The following RCAN3 variants were observed in gnomAD, a reference collection of about 807,000 sequenced individuals.
The protein encoded by RCAN3 is regulator of calcineurin 3, also known as calcipressin-3.
A neutral mutation model predicts 21.9 loss-of-function variants in RCAN3; 19 were observed. That is an observed-to-expected ratio of 0.87 (90% CI 0.61 to 1.27). The LOEUF (loss-of-function observed/expected upper bound fraction) is 1.27. Among genes scored for constraint, RCAN3 ranks in the 50% most tolerant of loss-of-function variants. The probability of loss-of-function intolerance (pLI) is 0.00; values close to 1 mark genes in which losing one functional copy is unlikely to be tolerated. For missense variants in RCAN3, 240 were observed against 300.1 expected, an observed-to-expected ratio of 0.80 and a Z score of 1.48; for synonymous variants, 114 against 112.3, an observed-to-expected ratio of 1.01 and a Z score of -0.09.
At position 24,531,184 on chromosome 1, in the gene RCAN3, C is replaced by T. The variant is rs1208262229; in HGVS notation, c.196-34C>T. 2.2e-6 allele frequency: 3 copies of T among 1,390,472 alleles called. No homozygotes were observed. The African/African-American group carries it at 4.5e-5, about 21-fold the overall frequency. 86.1% of individuals were successfully genotyped at this position (1,390,472 alleles called of 1,614,324 possible). On this transcript the variant is annotated intron_variant, in intron 2 of 4. Coordinates refer to ENST00000374395, the MANE Select transcript of RCAN3 (RefSeq NM_013441.4). ...AGGTTTTTCTTTTTTTTTTTTCCTC[C>T]CCTTCCCTTTGCCTTGCTGCTCCTT...
rs986070918 is a variant in RCAN3, at chr1:24,525,974, G to A, written c.196-5244G>A. ...AAAGCACCTCACAGCTAGAATTCAC[G>A]TATTTCATAACCATATTTATGCTAC... On this transcript the variant is annotated intron_variant, in intron 2 of 4. Transcript: ENST00000374395. The surrounding 1 kb of genome is among the most constrained non-coding windows in gnomAD (Gnocchi z 4.1). Among the ~76,000 whole-genome samples, 4 of 152,194 alleles carry A rather than the reference G, an allele frequency of 2.6e-5. No individual in the cohort carries two copies. The highest frequency in any genetic ancestry group is 2.1e-4 in the South Asian group (1 of 4,832).
At chr1:24,520,134 A>G (rs1401684093) in intron 2 of RCAN3, among the ~76,000 whole-genome samples, 4 of 152,210 alleles carry the variant, frequency 2.6e-5, no homozygotes, top group African/African-American at 4.8e-5. Context: ...TTTGGGAATT[A>G]AAAAAGAGGA....
Position 24,535,232 on chromosome 1 carries a change from G to T in RCAN3, c.681G>T (p.Pro227=), listed in dbSNP as rs138471720. ...CCCAGACGAGGCGCCCCGACCCTCC[G>T]ACCGCAGCGTTGAATGAGCCCCAGA... ...KIAQTRRPDP[P]TAALNEPQTF... Residue 227 remains proline, a synonymous_variant, in exon 5 of 5, where the codon CCG becomes CCT. Transcript: ENST00000374395. 1.1e-4 allele frequency: 173 copies of T among 1,582,578 alleles called. No homozygotes were observed. The highest frequency in any genetic ancestry group is 1.4e-4 in the Non-Finnish European group (169 of 1,169,602).
Position 24,540,763 on chromosome 1 carries a change from T to C in RCAN3, c.*5486T>C, listed in dbSNP as rs920857837. The C allele has an allele frequency of 2.0e-5, 3 of 152,252 alleles. No homozygotes were observed. Among genetic ancestry groups the C allele is most frequent in the Non-Finnish European group, 4.4e-5 (3 of 68,044 alleles). The allele number at this position is 152,252 out of a possible 1,614,324, so 9.4% of individuals were successfully genotyped here. A position where few individuals can be genotyped will look rare whatever the true frequency, so the allele number is the denominator to read the frequency against. On this transcript the variant is annotated 3_prime_UTR_variant, in exon 5 of 5. Coordinates refer to ENST00000374395, the MANE Select transcript of RCAN3 (RefSeq NM_013441.4). Reference sequence around the variant, plus strand: ...TTTGGGGCATGTTACCTTTATGGTATATAAGCTGTAGTGCATACTCTTTGT... The same window carrying C: ...TTTGGGGCATGTTACCTTTATGGTACATAAGCTGTAGTGCATACTCTTTGT...
At chr1:24,511,671 T>C (rs1570449134) in intron 1 of RCAN3, among the ~76,000 whole-genome samples, 1 of 152,050 alleles carries the variant, frequency 6.6e-6, no homozygotes, top group Admixed American at 6.6e-5. Flanking sequence ...AGTGAAAAAA[T>C]TTGAAATATT....
chr1:24,533,711 A>G (rs895206323), intron 4 of RCAN3, among the ~76,000 whole-genome samples: 1 of 152,168 alleles, frequency 6.6e-6, no homozygotes, highest in African/African-American at 2.4e-5. Flanking sequence ...GAGGCAGGAG[A>G]ATTGCTTGAA....
intron 2 of RCAN3, among the ~76,000 whole-genome samples, chr1:24,529,582 G>A (rs1384146900): frequency 2.4e-5 from 3 of 125,220 alleles, no homozygotes; most frequent in African/African-American, 9.2e-5. Context: ...ACAGAGTCTC[G>A]TTCTGTCACC....
At chr1:24,524,097 G>A (rs196409) in intron 2 of RCAN3, among the ~76,000 whole-genome samples, 45,207 of 151,882 alleles carry the variant, frequency 0.3, 7,345 homozygotes, top group East Asian at 0.65. Context: ...CATAGTGGTG[G>A]TGCACGCCTG....
intron 2 of RCAN3, among the ~76,000 whole-genome samples, chr1:24,527,035 G>A (rs986844846): frequency 6.6e-6 from 1 of 152,008 alleles, no homozygotes; most frequent in African/African-American, 2.4e-5. Context: ...TGTTATTTAT[G>A]TATATTACTT....
rs1650335864 is a variant in RCAN3, at chr1:24,538,327, G to A, written c.*3050G>A. The A allele has an allele frequency of 6.6e-6, 1 of 152,136 alleles. No individual in the cohort carries two copies. The allele number at this position is 152,136 out of a possible 1,614,324, so 9.4% of individuals were successfully genotyped here. A position where few individuals can be genotyped will look rare whatever the true frequency, so the allele number is the denominator to read the frequency against. ...CTCAAAAACATACCAGTAATTAAGAGCCAAAGCAAAGCTTCAAGGAACTTT... is the reference window on the plus strand; with the variant it reads ...CTCAAAAACATACCAGTAATTAAGAACCAAAGCAAAGCTTCAAGGAACTTT... On this transcript the variant is annotated 3_prime_UTR_variant, in exon 5 of 5. Transcript: ENST00000374395.
chr1:24,513,790 C>G (rs1051872842), intron 1 of RCAN3, among the ~76,000 whole-genome samples: 1 of 152,192 alleles, frequency 6.6e-6, no homozygotes, highest in African/African-American at 2.4e-5. Context: ...GCTTTTGATT[C>G]TGTGTAACTT....
intron 1 of RCAN3, among the ~76,000 whole-genome samples, chr1:24,511,079 C>T (rs549228958): frequency 6.6e-6 from 1 of 152,110 alleles, no homozygotes; most frequent in Admixed American, 6.5e-5. Context: ...TTTGGGAGGC[C>T]GAGGTGGGCA....
At chr1:24,515,064 A>T (rs1183479091) in intron 2 of RCAN3, among the ~76,000 whole-genome samples, 4 of 152,142 alleles carry the variant, frequency 2.6e-5, no homozygotes, top group Non-Finnish European at 4.4e-5. Flanking sequence ...GCAGTTAGGA[A>T]ATGTTTCAAA....
intron 2 of RCAN3, among the ~76,000 whole-genome samples, chr1:24,519,191 G>A (rs111474927): frequency 6.6e-5 from 10 of 151,088 alleles, no homozygotes; most frequent in African/African-American, 2.2e-4. Context: ...TATTACAGGC[G>A]TGAGCCACTG....
rs987138914 is a variant in RCAN3 at position 24,536,676 on chromosome 1, C to T, written c.*1399C>T. 8 of 152,192 alleles carry T rather than the reference C, an allele frequency of 5.3e-5. No homozygotes were observed. The highest frequency in any genetic ancestry group is 1.9e-4 in the African/African-American group (8 of 41,434). 9.4% of individuals were successfully genotyped at this position (152,192 alleles called of 1,614,324 possible). ...AAACATGAGAACTAATGAACCAAGGCGGCTGCCACCAGGAAGGAACAGAAC... is the reference window on the plus strand; with the variant it reads ...AAACATGAGAACTAATGAACCAAGGTGGCTGCCACCAGGAAGGAACAGAAC... On this transcript the variant is annotated 3_prime_UTR_variant, in exon 5 of 5. Transcript: ENST00000374395.
intron 1 of RCAN3, among the ~76,000 whole-genome samples, chr1:24,505,176 A>G (rs1007834684): frequency 3.5e-5 from 5 of 141,776 alleles, no homozygotes; most frequent in African/African-American, 1.3e-4. Context: ...AGAACTTCGC[A>G]TTGACGATCC....
At chr1:24,511,552 T>C (rs1304840152) in intron 1 of RCAN3, among the ~76,000 whole-genome samples, 1 of 152,166 alleles carries the variant, frequency 6.6e-6, no homozygotes, top group Non-Finnish European at 1.5e-5. Flanking sequence ...ACAACATGTA[T>C]TGATTAAGTC....
intron 2 of RCAN3, among the ~76,000 whole-genome samples, chr1:24,522,726 C>T (rs933426945): frequency 5.9e-5 from 9 of 152,156 alleles, no homozygotes; most frequent in Non-Finnish European, 1.0e-4. Flanking sequence ...GCACAGGTAA[C>T]GCTTCCAAGT....
intron 2 of RCAN3, among the ~76,000 whole-genome samples, chr1:24,523,647 TA>T (rs1202570238): frequency 0.047 from 6,095 of 128,648 alleles, 434 homozygotes; most frequent in African/African-American, 0.2. Flanking sequence ...CACACATATA[TA>T]TTTTTTTTCT....
Sources: allele counts gnomAD v4.1 joint callset (sites outside exome capture counted in the v4.1 genomes callset), GRCh38; gene constraint gnomAD v4.1.1; non-coding constraint Gnocchi (gnomAD v3.1); transcripts MANE v1.5; gene names NCBI Gene and HGNC (gene_info 2026-07-23, HGNC 2026-07-21).